DCP1A: variants seen among roughly 807,000 people sequenced by gnomAD.
The protein encoded by DCP1A is mRNA-decapping enzyme 1A.
DCP1A carries 20 observed loss-of-function variants against 58.0 expected under a neutral mutation model. The ratio of observed to expected loss-of-function variants is 0.34; its 90% confidence interval spans 0.24 to 0.50. The LOEUF is 0.50. Ranked by LOEUF, DCP1A falls within the 20% of genes least tolerant of loss-of-function variation. The pLI is 0.98. For synonymous variants in DCP1A, 285 were observed against 275.1 expected, an observed-to-expected ratio of 1.04 and a Z score of -0.36; for missense variants, 613 against 712.2, an observed-to-expected ratio of 0.86 and a Z score of 1.59.
At chr3:53,317,158 T>C (rs912039276) in intron 4 of DCP1A, among the ~76,000 whole-genome samples, 1 of 151,888 alleles carries the variant, frequency 6.6e-6, no homozygotes, top group African/African-American at 2.4e-5. Flanking sequence ...CTTTTTGTTG[T>C]TGTTGTTGTT....
chr3:53,345,311 CTT>C (rs1281010341), intron 1 of DCP1A, among the ~76,000 whole-genome samples: 1 of 152,078 alleles, frequency 6.6e-6, no homozygotes, highest in African/African-American at 2.4e-5. Context: ...AATTTCTTCT[CTT>C]TTAAGTTTAT....
At chr3:53,302,012 T>C (rs1553687463) in intron 6 of DCP1A, among the ~76,000 whole-genome samples, 2 of 152,062 alleles carry the variant, frequency 1.3e-5, no homozygotes, top group African/African-American at 4.8e-5. Flanking sequence ...AGTCAGTGTG[T>C]TTATGAAAGG....
intron 4 of DCP1A, among the ~76,000 whole-genome samples, chr3:53,318,894 G>A (rs1193553756): frequency 6.6e-6 from 1 of 152,114 alleles, no homozygotes; most frequent in Non-Finnish European, 1.5e-5. Context: ...TGTTACAGTG[G>A]AAATCTGCAC....
chr3:53,319,467 A>G lies in DCP1A; in HGVS notation c.311T>C (p.Ile104Thr). Residue 104 changes from isoleucine (I) to threonine (T), a missense_variant, in exon 4 of 10, where the codon ATA (isoleucine) becomes ACA (threonine). By Grantham distance (89) the Ile-to-Thr change is moderately conservative. This residue lies in a region of DCP1A where 65 missense variants were observed against 118.5 expected (regional missense o/e 0.55). Transcript: ENST00000610213. ...FLLYRNASLS[I>T]YSIWFYDKND... is the part of the protein sequence containing the mutation. ...CTTGTCATAAAACCAGATACTATAT[A>G]TCGACACTTGAAAAACAAAGGGAAA... The G allele has an allele frequency of 6.4e-7, 1 of 1,554,276 alleles. No homozygotes were observed. The highest frequency in any genetic ancestry group is 8.7e-7 in the Non-Finnish European group (1 of 1,145,756).
At chr3:53,336,779 A>G (rs1422722558) in intron 3 of DCP1A, among the ~76,000 whole-genome samples, 1 of 152,174 alleles carries the variant, frequency 6.6e-6, no homozygotes, top group Non-Finnish European at 1.5e-5. Context: ...TTGAACCTTA[A>G]ATTTGTATGA....
chr3:53,331,647 G>T (rs189054816), intron 3 of DCP1A, among the ~76,000 whole-genome samples: 5 of 151,818 alleles, frequency 3.3e-5, no homozygotes, highest in Admixed American at 2.6e-4. Flanking sequence ...GTTGTTAAGT[G>T]ACATTAAGTG....
chr3:53,323,973 T>A (rs1195806303), intron 3 of DCP1A, among the ~76,000 whole-genome samples: 1 of 152,070 alleles, frequency 6.6e-6, no homozygotes, highest in East Asian at 1.9e-4. Flanking sequence ...TCACAGGGAC[T>A]TCTAAACCGA....
chr3:53,322,197 A>G (rs1400105681), intron 3 of DCP1A, among the ~76,000 whole-genome samples: 1 of 152,174 alleles, frequency 6.6e-6, no homozygotes, highest in African/African-American at 2.4e-5. Flanking sequence ...TCATGCCTGT[A>G]ATCCTGGCAC....
At chr3:53,301,567 C>T (rs1553687421) in intron 6 of DCP1A, among the ~76,000 whole-genome samples, 1 of 152,118 alleles carries the variant, frequency 6.6e-6, no homozygotes, top group African/African-American at 2.4e-5. Context: ...ACATGCAATA[C>T]CAAATGACCT....
At position 53,304,267 on chromosome 3, in the gene DCP1A, G is replaced by A. The variant is rs1553687720; in HGVS notation, c.534C>T (p.Ile178=). Residue 178 remains isoleucine (I), a synonymous_variant, in exon 6 of 10, where the codon ATC becomes ATT. Coordinates refer to ENST00000610213, the MANE Select transcript of DCP1A (RefSeq NM_018403.7). The part of the protein sequence containing the change: ...YERNQMGDSN[I]SSPGLQPSTQ... The stretch of plus-strand genomic sequence containing the variant: ...TGCTTGGCTGTAACCCAGGGCTGGA[G>A]ATATTTGAGTCACCCATCTGATTCT... The A allele has an allele frequency of 3.1e-6, 5 of 1,612,942 alleles. No individual in the cohort carries two copies. The highest frequency in any genetic ancestry group is 1.3e-5 in the African/African-American group (1 of 74,764).
At chr3:53,309,369 C>CAAAA (rs79989110) in intron 5 of DCP1A, among the ~76,000 whole-genome samples, 1 of 94,724 alleles carries the variant, frequency 1.1e-5, no homozygotes, top group Non-Finnish European at 2.2e-5. Context: ...GACTCCATCT[C>CAAAA]AAAAAAAAAA....
In DCP1A at chr3:53,287,342, CTTTTTTTT is replaced by C. The variant is rs35716152; in HGVS notation, c.*230_*237del. 1.1e-3 allele frequency: 187 copies of C among 166,762 alleles called. No homozygotes were observed. Among genetic ancestry groups the C allele is most frequent in the Admixed American group, 2.3e-3 (20 of 8,732 alleles). 10.3% of individuals were successfully genotyped at this position (166,762 alleles called of 1,614,324 possible). On this transcript the variant is annotated 3_prime_UTR_variant, in exon 10 of 10. Transcript: ENST00000610213. ...CATAACTTAACACAATGATCGCTCT[CTTTTTTTT>C]TTTTTTTTTTTTTTTTTTTGTCAAA...
chr3:53,283,804 C>T lies in DCP1A; in HGVS notation c.*3776G>A, dbSNP rs1553684749. ...AGGAAACACAATTCTGCATTTTCCC[C>T]ACTTTGAAGTGAATGATATTGCATC... On this transcript the variant is annotated 3_prime_UTR_variant, in exon 10 of 10. Coordinates refer to ENST00000610213, the MANE Select transcript of DCP1A (RefSeq NM_018403.7). 1.3e-5 allele frequency: 2 copies of T among 152,214 alleles called. No homozygotes were observed. The highest frequency in any genetic ancestry group is 2.4e-5 in the African/African-American group (1 of 41,466). The allele number at this position is 152,214 out of a possible 1,614,324, so 9.4% of individuals were successfully genotyped here.
intron 3 of DCP1A, chr3:53,338,183 C>A (rs1553692158): frequency 4.5e-6 from 2 of 442,156 alleles, no homozygotes; most frequent in African/African-American, 2.0e-5. Flanking sequence ...GCTAGAAATA[C>A]CACTGCTACT....
In DCP1A at chr3:53,332,261, A is replaced by T. The variant is rs144994156; in HGVS notation, c.304+9883T>A. On this transcript the variant is annotated intron_variant, in intron 3 of 9. Transcript: ENST00000610213. ...ACATTCCTCTCAGCATTTTCTTTAG[A>T]AGTGATGGGAGAGATTTTTAGTCTA... Among the ~76,000 whole-genome samples the T allele has an allele frequency of 5.8e-3, 887 of 152,334 alleles. 6 individuals are homozygous for T. Among genetic ancestry groups the T allele is most frequent in the African/African-American group, 0.02 (830 of 41,566 alleles).
chr3:53,304,774 A>G (rs1472954792), intron 5 of DCP1A, among the ~76,000 whole-genome samples: 10 of 151,378 alleles, frequency 6.6e-5, no homozygotes, highest in Non-Finnish European at 1.5e-4. Flanking sequence ...TAGTAGAGAC[A>G]GGGTTTCAGC....
At chr3:53,315,750 T>TG (rs1559694482) in intron 4 of DCP1A, among the ~76,000 whole-genome samples, 4 of 105,298 alleles carry the variant, frequency 3.8e-5, no homozygotes, top group South Asian at 3.6e-4. Context: ...TGTTGTTTTT[T>TG]TTTTTTGTTT....
intron 3 of DCP1A, among the ~76,000 whole-genome samples, chr3:53,325,034 T>C (rs1400382521): frequency 6.6e-6 from 1 of 152,182 alleles, no homozygotes; most frequent in East Asian, 1.9e-4. Context: ...AAATACAAAT[T>C]ACAAAAATTA....
rs782080770 is a variant in DCP1A, at chr3:53,292,696, T to C, written c.756A>G (p.Lys252=). The C allele has an allele frequency of 6.8e-6, 11 of 1,613,900 alleles. No individual in the cohort carries two copies. Among genetic ancestry groups the C allele is most frequent in the Non-Finnish European group, 9.3e-6 (11 of 1,179,876 alleles). ...MERLPGDASQ[K]EPNSFLPFPF... Reference sequence around the variant, plus strand: ...GAAATGGTAGGAATGAATTGGGCTCTTTCTGGGAGGCATCTCCTGGCAACC... The same window carrying C: ...GAAATGGTAGGAATGAATTGGGCTCCTTCTGGGAGGCATCTCCTGGCAACC... Residue 252 remains lysine, a synonymous_variant, in exon 7 of 10, where the codon AAA becomes AAG. Transcript: ENST00000610213.
Sources: allele counts gnomAD v4.1 joint callset (sites outside exome capture counted in the v4.1 genomes callset), GRCh38; gene constraint gnomAD v4.1.1; regional missense constraint gnomAD v4.1.1; transcripts MANE v1.5; gene names NCBI Gene and HGNC (gene_info 2026-07-23, HGNC 2026-07-21).